The following LCMT1 variants were observed in gnomAD, a reference collection of about 807,000 sequenced individuals.
LCMT1 encodes the protein leucine carboxyl methyltransferase 1, also known as [Phosphatase 2A protein]-leucine-carboxy methyltransferase 1.
Under a neutral mutation model 47.7 loss-of-function variants are expected in LCMT1, and 32 were observed. That is an observed-to-expected ratio of 0.67 (90% CI 0.51 to 0.90). LCMT1 has a LOEUF of 0.90. LCMT1 is among the 40% of genes least tolerant of loss of function. The pLI, the probability that LCMT1 is intolerant of heterozygous loss-of-function variation, is 0.00. For missense variants in LCMT1, 375 were observed against 415.2 expected (o/e 0.90, Z 0.84); for synonymous variants, 152 against 149.7 (o/e 1.02, Z -0.11).
chr16:25,112,829 T>C (rs1959664607), intron 1 of LCMT1, among the ~76,000 whole-genome samples: 1 of 152,138 alleles, frequency 6.6e-6, no homozygotes, highest in African/African-American at 2.4e-5. Flanking sequence ...TTAGAGTTTG[T>C]AATTTTGTCA....
chr16:25,166,401 T>C (rs1281678213), intron 7 of LCMT1, among the ~76,000 whole-genome samples: 6 of 152,096 alleles, frequency 3.9e-5, no homozygotes, highest in African/African-American at 1.4e-4. Flanking sequence ...TTTATTGCTT[T>C]TTATTTATTT....
chr16:25,114,835 C>T (rs186465952), intron 1 of LCMT1, among the ~76,000 whole-genome samples: 1 of 152,284 alleles, frequency 6.6e-6, no homozygotes, highest in Non-Finnish European at 1.5e-5. Context: ...TCTCCCGCGT[C>T]TCATTCCATG....
At position 25,174,927 on chromosome 16, in the gene LCMT1, C is replaced by T. The variant is rs1961884419; in HGVS notation, c.885-10C>T. On this transcript the variant is annotated splice_polypyrimidine_tract_variant and intron_variant, in intron 9 of 10. Transcript: ENST00000399069. Reference sequence around the variant, plus strand: ...ACACTTGCATCGTTCTATTTTAATTCTTTCCACAGGATAGAATCACTTGAA... The same window carrying T: ...ACACTTGCATCGTTCTATTTTAATTTTTTCCACAGGATAGAATCACTTGAA... 1 of 1,508,334 alleles carries T rather than the reference C, an allele frequency of 6.6e-7. No individual in the cohort carries two copies. Among genetic ancestry groups the T allele is most frequent in the African/African-American group, 1.4e-5 (1 of 72,280 alleles). The allele number at this position is 1,508,334 out of a possible 1,614,324, so 93.4% of individuals were successfully genotyped here.
chr16:25,130,464 C>A (rs1960318225), intron 2 of LCMT1, among the ~76,000 whole-genome samples: 1 of 151,454 alleles, frequency 6.6e-6, no homozygotes, highest in African/African-American at 2.4e-5. Context: ...CCAGCCTGGG[C>A]AACATGGTGA....
intron 9 of LCMT1, among the ~76,000 whole-genome samples, chr16:25,173,603 A>T (rs976531887): frequency 6.6e-6 from 1 of 152,230 alleles, no homozygotes; most frequent in Non-Finnish European, 1.5e-5. Flanking sequence ...GGCTATTGTG[A>T]ATAGTAGGAA....
At chr16:25,160,662 T>G in intron 5 of LCMT1, 1 of 464,464 alleles carries the variant, frequency 2.2e-6, no homozygotes, top group Non-Finnish European at 4.4e-6. Context: ...AAATACCATG[T>G]CTCATAGTGA....
chr16:25,175,841 T>C (rs1236206647), intron 10 of LCMT1, among the ~76,000 whole-genome samples: 2 of 152,176 alleles, frequency 1.3e-5, no homozygotes, highest in African/African-American at 2.4e-5. Flanking sequence ...CTTGCTGTTA[T>C]ATCTTTTGTG....
At chr16:25,142,378 A>G (rs368757978) in intron 4 of LCMT1, 4 of 152,204 alleles carry the variant, frequency 2.6e-5, no homozygotes, top group African/African-American at 4.8e-5. Context: ...TAGCAGCCCA[A>G]TGAGGTTTAT....
Position 25,169,097 on chromosome 16 carries a change from C to G in LCMT1, c.691-15C>G, listed in dbSNP as rs201715913. The G allele has an allele frequency of 8.9e-5, 140 of 1,573,198 alleles. No individual in the cohort carries two copies. The highest frequency in any genetic ancestry group is 2.2e-4 in the East Asian group (10 of 44,670). On this transcript the variant is annotated splice_polypyrimidine_tract_variant and intron_variant, in intron 7 of 10. Coordinates refer to ENST00000399069, the MANE Select transcript of LCMT1 (RefSeq NM_016309.3). The stretch of plus-strand genomic sequence containing the variant: ...AACCCTTAGAGTAATATCTTACCTT[C>G]TCTTTCCCTCCTAGGTGAACATGGG...
At chr16:25,128,654 C>T in intron 2 of LCMT1, 88 bp downstream of exon 2, 1 of 988,834 alleles carries the variant, frequency 1.0e-6, no homozygotes, top group African/African-American at 1.6e-5. Flanking sequence ...TGGTGTGCTC[C>T]CTTTCCAGCT....
chr16:25,124,903 A>T (rs1156435570), intron 1 of LCMT1, among the ~76,000 whole-genome samples: 1 of 152,256 alleles, frequency 6.6e-6, no homozygotes, highest in African/African-American at 2.4e-5. Flanking sequence ...AATGTTAGGC[A>T]GCACCTCAAA....
At chr16:25,177,936 C>G in intron 10 of LCMT1, 65 bp from the exon 11 acceptor site, 2 of 1,485,168 alleles carry the variant, frequency 1.3e-6, no homozygotes, top group South Asian at 2.3e-5. Context: ...ACTGGGGGTC[C>G]TCTAGGGGCC....
intron 10 of LCMT1, among the ~76,000 whole-genome samples, chr16:25,176,978 G>A (rs1298740662): frequency 6.6e-6 from 1 of 150,382 alleles, no homozygotes; most frequent in African/African-American, 2.4e-5. Context: ...TCAGGAGTTC[G>A]AAACCAGCCT....
chr16:25,167,361 A>C (rs1961618046), intron 7 of LCMT1, among the ~76,000 whole-genome samples: 1 of 150,848 alleles, frequency 6.6e-6, no homozygotes, highest in Non-Finnish European at 1.5e-5. Flanking sequence ...TCTGTCGCCC[A>C]GGCTGGAGTA....
chr16:25,130,798 A>G (rs1239485283), intron 2 of LCMT1, among the ~76,000 whole-genome samples: 4 of 152,226 alleles, frequency 2.6e-5, no homozygotes, highest in African/African-American at 9.6e-5. Flanking sequence ...CCTGCCCCTT[A>G]GAAACTCCAG....
chr16:25,130,080 C>T (rs1960304409), intron 2 of LCMT1, among the ~76,000 whole-genome samples: 1 of 152,256 alleles, frequency 6.6e-6, no homozygotes, highest in Non-Finnish European at 1.5e-5. Context: ...ATGGCTCACA[C>T]CTGTAATTCC....
At chr16:25,175,670 A>G (rs897227875) in intron 10 of LCMT1, among the ~76,000 whole-genome samples, 3 of 152,018 alleles carry the variant, frequency 2.0e-5, no homozygotes, top group Admixed American at 2.0e-4. Flanking sequence ...GCCTCAAGCA[A>G]TCCTCTTGCC....
chr16:25,117,298 T>G (rs1284502261), intron 1 of LCMT1, among the ~76,000 whole-genome samples: 3 of 152,208 alleles, frequency 2.0e-5, no homozygotes, highest in Non-Finnish European at 4.4e-5. Flanking sequence ...ATCGCAAATC[T>G]TATTCTGTCA....
chr16:25,164,132 A>G (rs534436481), intron 6 of LCMT1, among the ~76,000 whole-genome samples: 2 of 152,234 alleles, frequency 1.3e-5, no homozygotes, highest in East Asian at 1.9e-4. Context: ...CAGTTTTCCA[A>G]GTGCAGCAAG....
Sources: allele counts gnomAD v4.1 joint callset (sites outside exome capture counted in the v4.1 genomes callset), GRCh38; gene constraint gnomAD v4.1.1; transcripts MANE v1.5; gene names NCBI Gene and HGNC (gene_info 2026-07-23, HGNC 2026-07-21).